The following CCDC83 variants were observed in gnomAD, a reference collection of about 807,000 sequenced individuals.
CCDC83 encodes coiled-coil domain-containing protein 83.
Under a neutral mutation model 50.1 loss-of-function variants are expected in CCDC83, and 54 were observed. That is an observed-to-expected ratio of 1.08 (90% CI 0.87 to 1.35). The LOEUF is 1.35. Ranked by LOEUF, CCDC83 falls within the 40% of genes most tolerant of loss-of-function variation. The probability of loss-of-function intolerance (pLI) is 0.00; values close to 1 mark genes in which losing one functional copy is unlikely to be tolerated. For synonymous variants in CCDC83, 161 were observed against 153.3 expected, an observed-to-expected ratio of 1.05 and a Z score of -0.37; for missense variants, 518 against 473.9, an observed-to-expected ratio of 1.09 and a Z score of -0.86.
intron 1 of CCDC83, among the ~76,000 whole-genome samples, chr11:85,859,418 C>G (rs896819154): frequency 1.3e-5 from 2 of 152,146 alleles, no homozygotes; most frequent in South Asian, 4.1e-4. Context: ...CAACTTCAAA[C>G]TATATTACAA....
At chr11:85,908,319 A>T (rs1299729798) in intron 7 of CCDC83, among the ~76,000 whole-genome samples, 1 of 152,086 alleles carries the variant, frequency 6.6e-6, no homozygotes, top group Non-Finnish European at 1.5e-5. Flanking sequence ...GCCCATAATA[A>T]GAATTTATGG....
chr11:85,913,953 G>T (rs142569193), intron 8 of CCDC83, among the ~76,000 whole-genome samples: 32 of 152,334 alleles, frequency 2.1e-4, no homozygotes, highest in Non-Finnish European at 1.6e-4. Context: ...GAAAAAGCTA[G>T]ATTCCTGAAG....
intron 10 of CCDC83, among the ~76,000 whole-genome samples, chr11:85,917,134 A>AAGAG (rs201907138): frequency 0.044 from 3,407 of 77,894 alleles, 125 homozygotes; most frequent in Non-Finnish European, 0.048. Flanking sequence ...AAGAAAAAGA[A>AAGAG]AGAGAGAGAG....
At chr11:85,896,382 CA>C (rs2135084459) in intron 6 of CCDC83, among the ~76,000 whole-genome samples, 1 of 73,500 alleles carries the variant, frequency 1.4e-5, no homozygotes, top group Non-Finnish European at 2.4e-5. Flanking sequence ...GCATGGGCAA[CA>C]AAGTGAGACC....
intron 7 of CCDC83, among the ~76,000 whole-genome samples, chr11:85,906,772 C>CTTT (rs1565154175): frequency 1.4e-5 from 2 of 145,860 alleles, no homozygotes; most frequent in Non-Finnish European, 3.1e-5. Context: ...GTGGTCCCAG[C>CTTT]TACTTATGAG....
chr11:85,883,949 A>G (rs990676846), intron 4 of CCDC83, among the ~76,000 whole-genome samples: 2 of 152,216 alleles, frequency 1.3e-5, no homozygotes, highest in Non-Finnish European at 2.9e-5. Context: ...GGATGTCATG[A>G]CATGGTAGAT....
intron 6 of CCDC83, 34 bp downstream of exon 6, chr11:85,895,418 C>A: frequency 7.7e-7 from 1 of 1,292,130 alleles, no homozygotes; most frequent in Non-Finnish European, 1.1e-6. Context: ...CAGAACAAAA[C>A]AAACATTTTC....
At chr11:85,903,746 T>C (rs572415609) in intron 7 of CCDC83, among the ~76,000 whole-genome samples, 31 of 152,330 alleles carry the variant, frequency 2.0e-4, no homozygotes, top group African/African-American at 7.5e-4. Context: ...GATCTTTCAA[T>C]TGTGTCTTAC....
chr11:85,871,290 T>C (rs1208776341), intron 2 of CCDC83, among the ~76,000 whole-genome samples: 1 of 152,240 alleles, frequency 6.6e-6, no homozygotes, highest in Non-Finnish European at 1.5e-5. Flanking sequence ...CCATTTAAAT[T>C]GCAGAATTTT....
chr11:85,865,899 GAAAAA>G (rs766010816), intron 2 of CCDC83, among the ~76,000 whole-genome samples: 1 of 109,632 alleles, frequency 9.1e-6, no homozygotes, highest in Admixed American at 1.0e-4. Flanking sequence ...GTTCCATCTC[GAAAAA>G]AAAAAAAAAA....
intron 5 of CCDC83, among the ~76,000 whole-genome samples, chr11:85,890,040 A>G (rs1163740615): frequency 2.0e-5 from 3 of 152,298 alleles, no homozygotes; most frequent in South Asian, 2.1e-4. Flanking sequence ...TTGGTGTGCT[A>G]TCAGTCCTAC....
chr11:85,902,571 G>A (rs1329283705), intron 7 of CCDC83, among the ~76,000 whole-genome samples: 1 of 152,142 alleles, frequency 6.6e-6, no homozygotes, highest in Non-Finnish European at 1.5e-5. Flanking sequence ...TGCAACCGGT[G>A]CAGACATCTC....
At chr11:85,916,263 A>G in intron 10 of CCDC83, 30 bp downstream of exon 10, 1 of 1,432,936 alleles carries the variant, frequency 7.0e-7, no homozygotes, top group Non-Finnish European at 9.7e-7. Context: ...AACTTTGACT[A>G]CTAAGAAAAT....
At chr11:85,919,167 G>A (rs747595607) in intron 10 of CCDC83, among the ~76,000 whole-genome samples, 182 bp from the exon 11 acceptor site, 24 of 152,112 alleles carry the variant, frequency 1.6e-4, no homozygotes, top group Non-Finnish European at 3.4e-4. Context: ...AGTTTCCTGA[G>A]TATTTTGTTT....
At chr11:85,910,963 G>C (rs2093450775) in intron 7 of CCDC83, among the ~76,000 whole-genome samples, 1 of 152,094 alleles carries the variant, frequency 6.6e-6, no homozygotes, top group Admixed American at 6.5e-5. Flanking sequence ...CCTGAGGTCA[G>C]GAGTTTGACA....
chr11:85,865,724 C>T (rs1360810250), intron 2 of CCDC83, among the ~76,000 whole-genome samples: 1 of 151,942 alleles, frequency 6.6e-6, no homozygotes, highest in African/African-American at 2.4e-5. Flanking sequence ...CAGGTCTCCA[C>T]TAAAAATCCA....
chr11:85,906,528 A>C (rs924495330), intron 7 of CCDC83, among the ~76,000 whole-genome samples: 3 of 152,212 alleles, frequency 2.0e-5, no homozygotes, highest in Non-Finnish European at 4.4e-5. Flanking sequence ...ATGGAAATAA[A>C]TGACAGAAAA....
intron 7 of CCDC83, among the ~76,000 whole-genome samples, chr11:85,907,398 G>C (rs2093430536): frequency 6.6e-6 from 1 of 152,170 alleles, no homozygotes; most frequent in Non-Finnish European, 1.5e-5. Context: ...TGGAAAGCTG[G>C]AGAAACTAGA....
At chr11:85,895,202 T>C (rs535859355) in intron 5 of CCDC83, 91 bp from the exon 6 acceptor site, 1 of 340,026 alleles carries the variant, frequency 2.9e-6, no homozygotes, top group Admixed American at 6.1e-5. Flanking sequence ...TTGTGTGATA[T>C]GAAGAGTAGA....
Sources: allele counts gnomAD v4.1 joint callset (sites outside exome capture counted in the v4.1 genomes callset), GRCh38; gene constraint gnomAD v4.1.1; transcripts MANE v1.5; gene names NCBI Gene and HGNC (gene_info 2026-07-23, HGNC 2026-07-21).